The following MACROD2 variants were observed in gnomAD, a reference collection of about 807,000 sequenced individuals.
MACROD2 encodes the protein mono-ADP ribosylhydrolase 2, also known as ADP-ribose glycohydrolase MACROD2.
MACROD2 carries 36 observed loss-of-function variants against 70.4 expected under a neutral mutation model. The ratio of observed to expected loss-of-function variants is 0.51; its 90% CI spans 0.39 to 0.68. MACROD2 has a LOEUF of 0.68. Ranked by LOEUF, MACROD2 falls within the 30% of genes least tolerant of loss-of-function variation. The pLI is 0.00. For missense variants in MACROD2, 496 were observed against 538.4 expected (o/e 0.92, Z 0.78); for synonymous variants, 172 against 178.8 (o/e 0.96, Z 0.30).
intron 3 of MACROD2, among the ~76,000 whole-genome samples, chr20:14,392,135 TTC>T (rs2083533448): frequency 6.6e-6 from 1 of 152,076 alleles, no homozygotes; most frequent in Admixed American, 6.6e-5. Context: ...CATATAGACT[TTC>T]TGAGTCCTAA....
chr20:14,588,935 C>G (rs1981572945), intron 4 of MACROD2, among the ~76,000 whole-genome samples: 1 of 152,076 alleles, frequency 6.6e-6, no homozygotes, highest in African/African-American at 2.4e-5. Flanking sequence ...AATTATTAGA[C>G]ATTTAAAAAC....
intron 3 of MACROD2, among the ~76,000 whole-genome samples, chr20:14,479,717 T>A (rs1454842834): frequency 6.6e-6 from 1 of 152,036 alleles, no homozygotes; most frequent in Non-Finnish European, 1.5e-5. Context: ...AGACTTCAGC[T>A]TCATCTGAGA....
intron 5 of MACROD2, among the ~76,000 whole-genome samples, chr20:14,846,650 T>C (rs1366187573): frequency 6.6e-6 from 1 of 151,854 alleles, no homozygotes; most frequent in Non-Finnish European, 1.5e-5. Flanking sequence ...CCTGAGTAGC[T>C]GGGACCACAG....
intron 12 of MACROD2, among the ~76,000 whole-genome samples, chr20:15,966,613 G>A (rs114712774): frequency 0.028 from 4,252 of 152,260 alleles, 201 homozygotes; most frequent in African/African-American, 0.098. Context: ...ATGGTGGCCT[G>A]TGCCTATGGT....
At chr20:14,527,714 A>G (rs2085251269) in intron 4 of MACROD2, among the ~76,000 whole-genome samples, 1 of 152,230 alleles carries the variant, frequency 6.6e-6, no homozygotes. Context: ...AAGAAAGAGT[A>G]CATGTCTAGA....
chr20:15,504,558 A>G (rs1279109146), intron 8 of MACROD2, among the ~76,000 whole-genome samples: 1 of 152,176 alleles, frequency 6.6e-6, no homozygotes, highest in Non-Finnish European at 1.5e-5. Context: ...CACAGAAGAG[A>G]AATACAAAGA....
chr20:14,901,730 C>T (rs895849272), intron 5 of MACROD2, among the ~76,000 whole-genome samples: 4 of 152,098 alleles, frequency 2.6e-5, no homozygotes, highest in African/African-American at 9.7e-5. Flanking sequence ...AATAAATACA[C>T]CAAAAACAAA....
chr20:14,240,531 C>T (rs2081919771), intron 3 of MACROD2, among the ~76,000 whole-genome samples: 1 of 152,086 alleles, frequency 6.6e-6, no homozygotes, highest in South Asian at 2.1e-4. Context: ...GAGATCATGT[C>T]CTTTGCAGCA....
chr20:15,241,105 A>G (rs1317932240), intron 6 of MACROD2, among the ~76,000 whole-genome samples: 1 of 152,222 alleles, frequency 6.6e-6, no homozygotes, highest in Non-Finnish European at 1.5e-5. Context: ...GCAAACTTAA[A>G]TGTTTAAATA....
At chr20:14,793,391 A>C (rs111291550) in intron 5 of MACROD2, among the ~76,000 whole-genome samples, 1 of 150,816 alleles carries the variant, frequency 6.6e-6, no homozygotes, top group Admixed American at 6.6e-5. Context: ...TAACATAAAA[A>C]CTCTCCAACT....
chr20:14,411,637 A>G (rs2083750606), intron 3 of MACROD2, among the ~76,000 whole-genome samples: 2 of 152,050 alleles, frequency 1.3e-5, no homozygotes, highest in African/African-American at 4.8e-5. Context: ...TTTGGCATCC[A>G]TTTCTGTTGC....
intron 4 of MACROD2, among the ~76,000 whole-genome samples, chr20:14,566,378 G>C (rs945211190): frequency 8.6e-5 from 13 of 151,950 alleles, no homozygotes; most frequent in African/African-American, 3.1e-4. Context: ...TGTGTGTTAT[G>C]ATCATGCTTA....
chr20:14,590,024 A>T (rs1191950659), intron 4 of MACROD2, among the ~76,000 whole-genome samples: 1 of 152,188 alleles, frequency 6.6e-6, no homozygotes, highest in Non-Finnish European at 1.5e-5. Context: ...GTTAGAATTT[A>T]AAACTGTGGA....
At chr20:14,499,975 AG>A (rs2084898420) in intron 4 of MACROD2, among the ~76,000 whole-genome samples, 1 of 152,162 alleles carries the variant, frequency 6.6e-6, no homozygotes, top group African/African-American at 2.4e-5. Flanking sequence ...TTCTTCAAGC[AG>A]GGAAAATGAA....
In MACROD2 at chr20:13,995,664, C is replaced by A; in HGVS notation, c.-100C>A. ...ACGCAGAGCCTCTTTCACTTTTTCC[C>A]TGCTGAGTGCCCCCTCCCACCCCTC... On this transcript the variant is annotated 5_prime_UTR_variant, in exon 1 of 18. It adds an upstream start codon to the 5' untranslated region. Transcript: ENST00000684519. This position sits in a 1 kb window ranked among gnomAD's most constrained non-coding sequence, Gnocchi z 4.3. 1.0e-6 allele frequency: 1 copy of A among 1,004,030 alleles called. No individual in the cohort carries two copies. Among genetic ancestry groups the A allele is most frequent in the Non-Finnish European group, 1.6e-6 (1 of 633,384 alleles). 62.2% of individuals were successfully genotyped at this position (1,004,030 alleles called of 1,614,324 possible).
intron 5 of MACROD2, among the ~76,000 whole-genome samples, chr20:14,952,820 T>TA (rs1330745694): frequency 6.6e-6 from 1 of 152,124 alleles, no homozygotes; most frequent in Non-Finnish European, 1.5e-5. Context: ...GTTCAATATC[T>TA]AAAATCATCC....
At chr20:15,828,039 G>A (rs1333350157) in intron 8 of MACROD2, among the ~76,000 whole-genome samples, 1 of 152,192 alleles carries the variant, frequency 6.6e-6, no homozygotes, top group Non-Finnish European at 1.5e-5. Flanking sequence ...TAGACAGGAG[G>A]AATAAGTTCT....
chr20:15,729,305 T>C (rs569516554), intron 8 of MACROD2, among the ~76,000 whole-genome samples: 2 of 152,310 alleles, frequency 1.3e-5, no homozygotes, highest in African/African-American at 4.8e-5. Flanking sequence ...TTATGGTTAA[T>C]TTTGTGATTG....
intron 8 of MACROD2, among the ~76,000 whole-genome samples, chr20:15,811,763 A>C (rs142202379): frequency 6.6e-6 from 1 of 152,134 alleles, no homozygotes; most frequent in African/African-American, 2.4e-5. Context: ...GGAAATAGAG[A>C]TGGTATCTAA....
Sources: allele counts gnomAD v4.1 joint callset (sites outside exome capture counted in the v4.1 genomes callset), GRCh38; gene constraint gnomAD v4.1.1; non-coding constraint Gnocchi (gnomAD v3.1); transcripts MANE v1.5; gene names NCBI Gene and HGNC (gene_info 2026-07-23, HGNC 2026-07-21).